The following UNC79 variants were observed in gnomAD, a reference collection of about 807,000 sequenced individuals.
UNC79 encodes the protein unc-79 subunit of NALCN channel complex.
Under a neutral mutation model 283.1 loss-of-function variants are expected in UNC79, and 37 were observed. The ratio of observed to expected loss-of-function variants is 0.13; its 90% CI spans 0.10 to 0.17. The LOEUF (loss-of-function observed/expected upper bound fraction) is 0.17. UNC79 is among the 10% of genes least tolerant of loss of function. The probability of loss-of-function intolerance (pLI) is 1.00; values close to 1 mark genes in which losing one functional copy is unlikely to be tolerated. For synonymous variants in UNC79, 1,107 were observed against 1,200.2 expected, an observed-to-expected ratio of 0.92 and a Z score of 1.61; for missense variants, 2,272 against 3,211.1, an observed-to-expected ratio of 0.71 and a Z score of 7.07.
intron 2 of UNC79, among the ~76,000 whole-genome samples, chr14:93,469,230 A>T (rs2057374091): frequency 6.6e-6 from 1 of 152,192 alleles, no homozygotes. Flanking sequence ...CATTTTCTTG[A>T]GCAGTGGACC....
At position 93,528,493 on chromosome 14, in the gene UNC79, T is replaced by G. The variant is rs888733619; in HGVS notation, c.964-65T>G. On this transcript the variant is annotated intron_variant, in intron 8 of 48. Coordinates refer to ENST00000555664, the Ensembl canonical transcript of UNC79. ...TCTGTCATTATTGAAGCATTTGTGC[T>G]TAGAATATAGGGAATGTGATACCCA... The G allele has an allele frequency of 2.1e-6, 3 of 1,454,414 alleles. No homozygotes were observed. The African/African-American group carries it at 4.2e-5, about 20-fold the overall frequency. 90.1% of individuals were successfully genotyped at this position (1,454,414 alleles called of 1,614,324 possible). A position where few individuals can be genotyped will look rare whatever the true frequency, so the allele number is the denominator to read the frequency against.
At chr14:93,423,081 A>G (rs868571466) in intron 1 of UNC79, among the ~76,000 whole-genome samples, 15 of 106,220 alleles carry the variant, frequency 1.4e-4, no homozygotes, top group South Asian at 3.0e-4. Flanking sequence ...AAAAAAAAAA[A>G]AAAAAAAAAA....
intron 8 of UNC79, among the ~76,000 whole-genome samples, chr14:93,528,131 T>C (rs573076967): frequency 2.6e-5 from 4 of 152,358 alleles, no homozygotes; most frequent in Admixed American, 6.5e-5. Flanking sequence ...CCACTAGCAC[T>C]TTGGTATCAG....
Position 93,582,328 on chromosome 14 carries a change from G to T in UNC79, c.2787G>T (p.Glu929Asp), listed in dbSNP as rs568643633. ...GGGAGAACCCAGGCAACTGCACCGAGCCCGTGGAACATGCTGGTAGGTGTG... is the reference window on the plus strand; with the variant it reads ...GGGAGAACCCAGGCAACTGCACCGATCCCGTGGAACATGCTGGTAGGTGTG... The change falls in exon 20 of 49, where the codon GAG becomes GAT. Residue 929 changes from glutamate to aspartate, a missense_variant. Transcript: ENST00000555664. 6 of 1,614,144 alleles carry T rather than the reference G, an allele frequency of 3.7e-6. No individual in the cohort carries two copies. In the Admixed American group the frequency reaches 8.3e-5, roughly 22 times the overall value.
chr14:93,384,136 T>TATGA (rs1232858416), intron 1 of UNC79, among the ~76,000 whole-genome samples: 5 of 152,348 alleles, frequency 3.3e-5, no homozygotes, highest in South Asian at 4.1e-4. Context: ...AAATGGATCT[T>TATGA]ATGAATAGTG....
intron 11 of UNC79, among the ~76,000 whole-genome samples, chr14:93,533,565 G>T (rs1478510789): frequency 3.3e-5 from 5 of 152,102 alleles, no homozygotes; most frequent in African/African-American, 1.2e-4. Flanking sequence ...TGGGGTGTCT[G>T]GGCCTCTCTT....
At chr14:93,698,043 C>T (rs1003680532) in intron 47 of UNC79, among the ~76,000 whole-genome samples, 2 of 152,012 alleles carry the variant, frequency 1.3e-5, no homozygotes, top group African/African-American at 4.8e-5. Context: ...TAAAGATTTC[C>T]AGAGATTTTT....
intron 48 of UNC79, among the ~76,000 whole-genome samples, chr14:93,704,932 A>T (rs975308774): frequency 6.6e-6 from 1 of 152,104 alleles, no homozygotes; most frequent in African/African-American, 2.4e-5. Context: ...GCCTCAATCC[A>T]CTGATGAGAG....
At chr14:93,707,863 T>C (rs1233872456), downstream of UNC79, 1 of 152,230 alleles carries the variant, frequency 6.6e-6, no homozygotes, top group East Asian at 1.9e-4. Flanking sequence ...TGCTATTAAA[T>C]GCGTTTTTTA....
At chr14:93,449,393 G>C (rs1395146892) in intron 1 of UNC79, among the ~76,000 whole-genome samples, 5 of 152,098 alleles carry the variant, frequency 3.3e-5, no homozygotes, top group Non-Finnish European at 5.9e-5. Flanking sequence ...TCTACTCTCT[G>C]TTTCTGGGTC....
At chr14:93,646,965 C>A (rs2069682866) in intron 35 of UNC79, among the ~76,000 whole-genome samples, 1 of 152,216 alleles carries the variant, frequency 6.6e-6, no homozygotes, top group Admixed American at 6.5e-5. Context: ...TTTATTCATT[C>A]ATTCATTCAC....
At chr14:93,450,506 T>C (rs2056603346) in intron 1 of UNC79, among the ~76,000 whole-genome samples, 1 of 152,194 alleles carries the variant, frequency 6.6e-6, no homozygotes, top group Non-Finnish European at 1.5e-5. Flanking sequence ...AGGATGCATC[T>C]ATGAATGTCT....
At chr14:93,388,175 A>C (rs2054816122) in intron 1 of UNC79, among the ~76,000 whole-genome samples, 1 of 151,708 alleles carries the variant, frequency 6.6e-6, no homozygotes, top group African/African-American at 2.4e-5. Context: ...GCAATGGTGC[A>C]ATCTTGGCTC....
rs775473550 is a variant in UNC79, at chr14:93,630,796, T to G, written c.5609-5T>G. ...CTGAGTTTTAAATAATATTTCTGTT[T>G]GTAGATCCTTCTACTAAAGGACTTT... On this transcript the variant is annotated splice_region_variant and splice_polypyrimidine_tract_variant and intron_variant, in intron 30 of 48. Transcript: ENST00000555664. 2 of 1,612,254 alleles carry G rather than the reference T, an allele frequency of 1.2e-6. No individual in the cohort carries two copies. Among genetic ancestry groups the G allele is most frequent in the Admixed American group, 3.3e-5 (2 of 60,014 alleles).
intron 1 of UNC79, chr14:93,347,135 G>C: frequency 2.0e-6 from 2 of 1,008,194 alleles, no homozygotes; most frequent in Non-Finnish European, 2.8e-6. Flanking sequence ...GTGGGGTAGG[G>C]GGCGAGGGCA....
At chr14:93,675,305 A>G (rs1019076919) in intron 41 of UNC79, among the ~76,000 whole-genome samples, 2 of 152,220 alleles carry the variant, frequency 1.3e-5, no homozygotes, top group Admixed American at 6.5e-5. Context: ...GGAAGTGGCT[A>G]ACTGAACCTA....
intron 5 of UNC79, among the ~76,000 whole-genome samples, chr14:93,495,972 CTG>C (rs1364307152): frequency 6.6e-6 from 1 of 152,210 alleles, no homozygotes; most frequent in Admixed American, 6.5e-5. Context: ...AAGTTGGAAA[CTG>C]AGGCTTAGTT....
At chr14:93,668,648 C>T (rs1489485049) in intron 40 of UNC79, among the ~76,000 whole-genome samples, 1 of 151,926 alleles carries the variant, frequency 6.6e-6, no homozygotes, top group Non-Finnish European at 1.5e-5. Context: ...AGTTTGAGAC[C>T]AGCCTGGGCA....
chr14:93,640,369 C>A (rs1174931305), intron 32 of UNC79, among the ~76,000 whole-genome samples: 1 of 152,232 alleles, frequency 6.6e-6, no homozygotes, highest in Non-Finnish European at 1.5e-5. Flanking sequence ...TGGCTCACAG[C>A]TGTAATCCTA....
Sources: allele counts gnomAD v4.1 joint callset (sites outside exome capture counted in the v4.1 genomes callset), GRCh38; gene constraint gnomAD v4.1.1; transcripts MANE v1.5; gene names NCBI Gene and HGNC (gene_info 2026-07-23, HGNC 2026-07-21).